The following SV2C variants were observed in gnomAD, a reference collection of about 807,000 sequenced individuals.
SV2C encodes solute carrier family 22 member B3.
A neutral mutation model predicts 79.7 loss-of-function variants in SV2C; 49 were observed. The observed-to-expected ratio is 0.61, with a 90% CI of 0.49 to 0.78. SV2C has a LOEUF of 0.78. SV2C is among the 30% of genes least tolerant of loss of function. The pLI, the probability that SV2C is intolerant of heterozygous loss-of-function variation, is 0.00. For missense variants in SV2C, 833 were observed against 912.9 expected (o/e 0.91, Z 1.13); for synonymous variants, 334 against 333.2 (o/e 1.00, Z -0.03).
chr5:76,042,080 C>T, the SV2C span, among the ~76,000 whole-genome samples: 4 of 152,322 alleles, frequency 2.6e-5, no homozygotes, highest in East Asian at 7.7e-4. Flanking sequence ...TTGGCTCTGT[C>T]CAGGGTGCTG....
At chr5:75,918,071 G>A in the SV2C span, among the ~76,000 whole-genome samples, 2 of 152,144 alleles carry the variant, frequency 1.3e-5, no homozygotes, top group Non-Finnish European at 2.9e-5. Flanking sequence ...TATTTTACCT[G>A]CCATTTTATC....
chr5:75,908,369 TC>T, the SV2C span, among the ~76,000 whole-genome samples: 8 of 152,370 alleles, frequency 5.3e-5, no homozygotes, highest in South Asian at 8.3e-4. Context: ...TCAAGATCCA[TC>T]CACACTGTAG....
chr5:76,060,797 C>A, the SV2C span, among the ~76,000 whole-genome samples: 9 of 152,058 alleles, frequency 5.9e-5, no homozygotes, highest in African/African-American at 1.7e-4. Context: ...AGAGGCCTAG[C>A]TTTTAGCCTA....
At chr5:76,247,311 G>A (rs1257820517) in intron 4 of SV2C, among the ~76,000 whole-genome samples, 1 of 152,162 alleles carries the variant, frequency 6.6e-6, no homozygotes, top group African/African-American at 2.4e-5. Flanking sequence ...ACACTTACAG[G>A]TACTTTTAAT....
chr5:76,219,437 A>G (rs527657593), intron 4 of SV2C, among the ~76,000 whole-genome samples: 3 of 152,240 alleles, frequency 2.0e-5, no homozygotes, highest in Non-Finnish European at 2.9e-5. Context: ...TTAAGGGCTT[A>G]AAAAGTAGAT....
intron 12 of SV2C, among the ~76,000 whole-genome samples, chr5:76,302,630 C>CAAAAA (rs60732488): frequency 1.0e-4 from 7 of 68,844 alleles, no homozygotes; most frequent in East Asian, 3.8e-4. Flanking sequence ...GACTCCATCT[C>CAAAAA]AAAAAAAAAA....
chr5:76,231,653 G>T, intron 4 of SV2C, among the ~76,000 whole-genome samples: 1 of 141,016 alleles, frequency 7.1e-6, no homozygotes. Flanking sequence ...TGATCTCATT[G>T]TTCAATTCCC....
the SV2C span, among the ~76,000 whole-genome samples, chr5:76,045,678 A>G: frequency 3.3e-5 from 5 of 152,168 alleles, no homozygotes; most frequent in South Asian, 2.1e-4. Context: ...TCATGCTGCT[A>G]ATGCCAGTGT....
At chr5:76,089,536 A>G (rs1335946475) in intron 1 of SV2C, among the ~76,000 whole-genome samples, 1 of 152,206 alleles carries the variant, frequency 6.6e-6, no homozygotes, top group African/African-American at 2.4e-5. Flanking sequence ...TCCTTTGGTT[A>G]TATACCCAGT....
At position 76,209,888 on chromosome 5, in the gene SV2C, G is replaced by C; in HGVS notation, c.913+1G>C. 1.2e-6 allele frequency: 2 copies of C among 1,610,712 alleles called. No homozygotes were observed. The highest frequency in any genetic ancestry group is 1.7e-6 in the Non-Finnish European group (2 of 1,178,278). ...GCCTGGGCCATCATCCCGCACTACGGTAAGAGGCTGGCCTTGCCCCAGCTG... is the reference window on the plus strand; with the variant it reads ...GCCTGGGCCATCATCCCGCACTACGCTAAGAGGCTGGCCTTGCCCCAGCTG... On this transcript the variant is annotated splice_donor_variant, in intron 4 of 12. Transcript: ENST00000502798. LOFTEE classifies it high-confidence loss of function.
intron 4 of SV2C, among the ~76,000 whole-genome samples, chr5:76,274,226 C>A (rs536576068): frequency 6.6e-6 from 1 of 152,206 alleles, no homozygotes; most frequent in African/African-American, 2.4e-5. Context: ...CTTTGAAAAG[C>A]TTTCTCTTTT....
In SV2C at chr5:76,195,082, C is replaced by T. The variant is rs1744233844; in HGVS notation, c.744C>T (p.Arg248=). The part of the protein sequence containing the change: ...VQGYGFFLFC[R]LLSGFGIGGA... ...GTTATGGCTTCTTTCTCTTCTGTCG[C>T]TTACTTTCTGGATTCGGGTAAGGTT... Residue 248 remains arginine, a synonymous_variant, in exon 3 of 13, where the codon CGC becomes CGT. Transcript: ENST00000502798. 6.2e-7 allele frequency: 1 copy of T among 1,613,484 alleles called. No individual in the cohort carries two copies. Among genetic ancestry groups the T allele is most frequent in the African/African-American group, 1.3e-5 (1 of 74,840 alleles).
chr5:76,036,471 C>T, the SV2C span, among the ~76,000 whole-genome samples: 2 of 151,966 alleles, frequency 1.3e-5, no homozygotes, highest in African/African-American at 4.8e-5. Context: ...ATTTGCTTGT[C>T]TGTAAAGTAT....
the SV2C span, among the ~76,000 whole-genome samples, chr5:75,869,549 C>T: frequency 2.0e-5 from 3 of 152,162 alleles, no homozygotes; most frequent in Admixed American, 6.5e-5. Flanking sequence ...TCCTGGATGG[C>T]ACCTCTGGAC....
the SV2C span, among the ~76,000 whole-genome samples, chr5:75,901,087 T>C: frequency 6.6e-6 from 1 of 152,244 alleles, no homozygotes; most frequent in African/African-American, 2.4e-5. Context: ...TCTCAGCTTG[T>C]CAAAGTCATT....
chr5:76,056,319 A>G, the SV2C span, among the ~76,000 whole-genome samples: 5 of 152,116 alleles, frequency 3.3e-5, no homozygotes, highest in Non-Finnish European at 7.4e-5. Flanking sequence ...TGTTGAACCA[A>G]CCTTGCATCT....
At chr5:75,925,438 G>T in the SV2C span, among the ~76,000 whole-genome samples, 1 of 152,172 alleles carries the variant, frequency 6.6e-6, no homozygotes, top group African/African-American at 2.4e-5. Context: ...AATGGAACGG[G>T]CCAGTACCAT....
the SV2C span, among the ~76,000 whole-genome samples, chr5:76,007,494 T>C: frequency 6.6e-6 from 1 of 152,102 alleles, no homozygotes; most frequent in Non-Finnish European, 1.5e-5. Context: ...TGGCATATCA[T>C]GGGTATTCAA....
At chr5:75,860,519 C>G in the SV2C span, among the ~76,000 whole-genome samples, 1 of 152,154 alleles carries the variant, frequency 6.6e-6, no homozygotes, top group African/African-American at 2.4e-5. Context: ...GTGCCCAAAG[C>G]TATCTATAGA....
Sources: gnomAD v4.1 joint callset for allele counts (sites outside exome capture counted in the v4.1 genomes callset) on GRCh38, gnomAD v4.1.1 for gene constraint, MANE v1.5 for transcripts, NCBI Gene and HGNC (gene_info 2026-07-23, HGNC 2026-07-21) for gene names.